The following CSMD1 variants were observed in gnomAD, a reference collection of about 807,000 sequenced individuals.
CSMD1 encodes the protein CUB and Sushi multiple domains 1, also known as CUB and sushi domain-containing protein 1.
In CSMD1, 213 loss-of-function variants were observed where a neutral mutation model predicts 417.5. That is an observed-to-expected ratio of 0.51 (90% CI 0.46 to 0.57). CSMD1 has a LOEUF of 0.57. Ranked by LOEUF, CSMD1 falls within the 20% of genes least tolerant of loss-of-function variation. The pLI is 0.00. For synonymous variants in CSMD1, 2,862 were observed against 1,736.8 expected (o/e 1.65, Z -16.11); for missense variants, 6,923 against 4,529.7 (o/e 1.53, Z -15.17).
intron 3 of CSMD1, among the ~76,000 whole-genome samples, chr8:4,148,615 A>G (rs1796406113): frequency 1.3e-5 from 2 of 152,022 alleles, no homozygotes; most frequent in African/African-American, 2.4e-5. Flanking sequence ...CCTTGTGTGT[A>G]GACAGTAGCT....
At chr8:3,664,848 C>T (rs934297233) in intron 7 of CSMD1, among the ~76,000 whole-genome samples, 1 of 152,104 alleles carries the variant, frequency 6.6e-6, no homozygotes, top group Non-Finnish European at 1.5e-5. Context: ...AGCAGTAAAG[C>T]CAGACATCAT....
At chr8:3,562,250 T>C (rs1167162783) in intron 10 of CSMD1, among the ~76,000 whole-genome samples, 2 of 152,184 alleles carry the variant, frequency 1.3e-5, no homozygotes, top group South Asian at 2.1e-4. Flanking sequence ...AAAGGAACTC[T>C]AGTGGCATGG....
intron 5 of CSMD1, among the ~76,000 whole-genome samples, chr8:3,927,566 G>C (rs551986295): frequency 6.7e-6 from 1 of 149,628 alleles, no homozygotes; most frequent in African/African-American, 2.4e-5. Flanking sequence ...TAGAGAGGCT[G>C]AGGCAGGAGA....
intron 5 of CSMD1, among the ~76,000 whole-genome samples, chr8:3,777,396 C>T (rs1798950661): frequency 6.6e-6 from 1 of 152,108 alleles, no homozygotes; most frequent in South Asian, 2.1e-4. Context: ...GCATGGCCCC[C>T]TCCACTGCTC....
At chr8:3,509,931 G>C (rs555734421) in intron 10 of CSMD1, among the ~76,000 whole-genome samples, 2 of 152,106 alleles carry the variant, frequency 1.3e-5, no homozygotes, top group South Asian at 4.1e-4. Flanking sequence ...TAAGTTGCTG[G>C]CATTTCAGCC....
intron 5 of CSMD1, among the ~76,000 whole-genome samples, chr8:3,902,668 C>A (rs150185778): frequency 2.6e-4 from 39 of 152,226 alleles, no homozygotes; most frequent in African/African-American, 9.1e-4. Context: ...CCACTCATCT[C>A]CTGCTGGGCA....
At chr8:4,158,490 G>C (rs1381806059) in intron 3 of CSMD1, among the ~76,000 whole-genome samples, 1 of 151,996 alleles carries the variant, frequency 6.6e-6, no homozygotes, top group African/African-American at 2.4e-5. Flanking sequence ...TCATCAGTAT[G>C]GCAAAAGGAT....
At chr8:4,382,008 G>C (rs915474320) in intron 3 of CSMD1, among the ~76,000 whole-genome samples, 4 of 152,088 alleles carry the variant, frequency 2.6e-5, no homozygotes, top group African/African-American at 9.7e-5. Flanking sequence ...CCCTGAAAAA[G>C]GAAATGGTAT....
intron 5 of CSMD1, among the ~76,000 whole-genome samples, chr8:3,772,635 TTATATACA>T (rs200272371): frequency 0.19 from 19,706 of 104,460 alleles, 3,219 homozygotes; most frequent in East Asian, 0.38. Context: ...ACACATATAT[TTATATACA>T]TATATACATA....
At chr8:3,807,132 A>G (rs1800786746) in intron 5 of CSMD1, among the ~76,000 whole-genome samples, 1 of 152,136 alleles carries the variant, frequency 6.6e-6, no homozygotes, top group Non-Finnish European at 1.5e-5. Flanking sequence ...CACATTTCCT[A>G]AAGAAAAGTT....
intron 6 of CSMD1, among the ~76,000 whole-genome samples, chr8:3,737,812 G>T (rs887056988): frequency 6.6e-6 from 1 of 152,198 alleles, no homozygotes; most frequent in East Asian, 1.9e-4. Context: ...AAATAGCCAA[G>T]ATGGTAGTAT....
rs188411315 is a variant in CSMD1 at position 3,256,428 on chromosome 8, G to A, written c.4154-26197C>T. The stretch of plus-strand genomic sequence containing the variant: ...CAGCAGTACATGTTGCAGCCATCCC[G>A]AAATAAGTTCATTGTCCCCTTCTCC... On this transcript the variant is annotated intron_variant, in intron 26 of 69. Transcript: ENST00000635120. 1.4e-4 allele frequency among the ~76,000 whole-genome samples: 21 copies of A among 152,118 alleles called. No homozygotes were observed. The East Asian group carries it at 3.5e-3, about 25-fold the overall frequency.
chr8:4,833,148 T>C (rs1240036029), intron 1 of CSMD1, among the ~76,000 whole-genome samples: 1 of 152,176 alleles, frequency 6.6e-6, no homozygotes, highest in Non-Finnish European at 1.5e-5. Flanking sequence ...TGATATCCAC[T>C]GTATTAGTCC....
At chr8:4,930,989 A>G (rs1245785658) in intron 1 of CSMD1, among the ~76,000 whole-genome samples, 1 of 152,304 alleles carries the variant, frequency 6.6e-6, no homozygotes, top group African/African-American at 2.4e-5. Context: ...AAAAACAGTA[A>G]GACAATATAT....
At position 4,261,314 on chromosome 8, in the gene CSMD1, G is replaced by C. The variant is rs76228041; in HGVS notation, c.415+158639C>G. ...AAGTGAAATAACCCAGGCATAGAAA[G>C]AAAAATACTGTGTAATCTCACTTAG... On this transcript the variant is annotated intron_variant, in intron 3 of 69. Transcript: ENST00000635120. Among the ~76,000 whole-genome samples, 371 of 152,214 alleles carry C rather than the reference G, an allele frequency of 2.4e-3. 2 individuals are homozygous for C. The highest frequency in any genetic ancestry group is 8.7e-3 in the African/African-American group (361 of 41,542).
At chr8:4,463,085 A>G (rs1199952981) in intron 2 of CSMD1, among the ~76,000 whole-genome samples, 7 of 152,236 alleles carry the variant, frequency 4.6e-5, no homozygotes, top group African/African-American at 1.4e-4. Flanking sequence ...AGATCTCTTA[A>G]AACTCAGCAA....
At chr8:3,940,529 GTGTGTGTA>G (rs1810808854) in intron 5 of CSMD1, among the ~76,000 whole-genome samples, 1 of 134,680 alleles carries the variant, frequency 7.4e-6, no homozygotes, top group Non-Finnish European at 1.6e-5. Context: ...GTGTGTGTGT[GTGTGTGTA>G]TGTATGTGTA....
intron 49 of CSMD1, among the ~76,000 whole-genome samples, chr8:3,081,482 T>C (rs11136572): frequency 0.1 from 15,770 of 152,168 alleles, 787 homozygotes; most frequent in African/African-American, 0.15. Context: ...TTTACAGTTT[T>C]CAAATAAAAA....
At position 3,359,190 on chromosome 8, in the gene CSMD1, C is replaced by A. The variant is rs767492258; in HGVS notation, c.3266G>T (p.Gly1089Val). ...CAGAGGTGCACTCCACACACGGCGGCCCCCACCCAGGCAGGTAAGCTTGGT... is the reference window on the plus strand; with the variant it reads ...CAGAGGTGCACTCCACACACGGCGGACCCCACCCAGGCAGGTAAGCTTGGT... Reference protein sequence around the residue: ...GATKLTCLGGGRRVWSAPLPR... With the variant: ...GATKLTCLGGVRRVWSAPLPR... The change falls in exon 21 of 70, where the codon GGC becomes GTC. Residue 1089 changes from glycine (G) to valine (V), a missense_variant. Physicochemically the swap from Gly to Val is moderately radical, Grantham distance 109. Coordinates refer to ENST00000635120, the MANE Select transcript of CSMD1 (RefSeq NM_033225.6). The A allele has an allele frequency of 1.9e-6, 3 of 1,613,956 alleles. No individual in the cohort carries two copies. Among genetic ancestry groups the A allele is most frequent in the Non-Finnish European group, 2.5e-6 (3 of 1,179,934 alleles).
Sources: allele counts gnomAD v4.1 joint callset (sites outside exome capture counted in the v4.1 genomes callset), GRCh38; gene constraint gnomAD v4.1.1; transcripts MANE v1.5; gene names NCBI Gene and HGNC (gene_info 2026-07-23, HGNC 2026-07-21).